Variants in PLEKHO2 observed in about 807,000 individuals in gnomAD.
PLEKHO2 encodes the protein pleckstrin homology domain-containing family O member 2.
Under a neutral mutation model 32.7 loss-of-function variants are expected in PLEKHO2, and 20 were observed. That is an observed-to-expected ratio of 0.61 (90% confidence interval 0.43 to 0.89). PLEKHO2 has a LOEUF of 0.89. Among genes scored for constraint, PLEKHO2 ranks in the 40% least tolerant of loss-of-function variants. PLEKHO2 has a pLI of 0.00. For synonymous variants in PLEKHO2, 247 were observed against 246.3 expected, an observed-to-expected ratio of 1.00 and a Z score of -0.03; for missense variants, 568 against 621.2, an observed-to-expected ratio of 0.91 and a Z score of 0.91.
Position 64,867,072 on chromosome 15 carries a change from A to C in PLEKHO2, c.*1184A>C, listed in dbSNP as rs2084694797. On this transcript the variant is annotated 3_prime_UTR_variant, in exon 6 of 6. Transcript: ENST00000323544. ...GCACATCCAGTCTCCATCGTGCTGCAGCAGCTGGACTGAGGGCAGAGCCTG... is the reference window on the plus strand; with the variant it reads ...GCACATCCAGTCTCCATCGTGCTGCCGCAGCTGGACTGAGGGCAGAGCCTG... 6.5e-6 allele frequency: 1 copy of C among 152,808 alleles called. No homozygotes were observed. The highest frequency in any genetic ancestry group is 6.5e-5 in the Admixed American group (1 of 15,280). The allele number at this position is 152,808 out of a possible 1,614,324, so 9.5% of individuals were successfully genotyped here. A position where few individuals can be genotyped will look rare whatever the true frequency, so the allele number is the denominator to read the frequency against.
In PLEKHO2 at chr15:64,841,945, G is replaced by C. The variant is rs2084486785; in HGVS notation, c.-72G>C. ...GCGGAGAGTCGCCGCCTGGCCGGGC[G>C]TAGACGCGGTGGCAGAGCCCGCGCG... is the stretch of plus-strand genomic sequence containing the variant. On this transcript the variant is annotated 5_prime_UTR_variant, in exon 1 of 6. Transcript: ENST00000323544. 1 of 1,234,222 alleles carries C rather than the reference G, an allele frequency of 8.1e-7. No individual in the cohort carries two copies. The highest frequency in any genetic ancestry group is 3.7e-5 in the South Asian group (1 of 27,114). 76.5% of individuals were successfully genotyped at this position (1,234,222 alleles called of 1,614,324 possible). A position where few individuals can be genotyped will look rare whatever the true frequency, so the allele number is the denominator to read the frequency against.
chr15:64,850,887 A>G (rs1167929638), intron 2 of PLEKHO2, among the ~76,000 whole-genome samples: 1 of 152,232 alleles, frequency 6.6e-6, no homozygotes, highest in Non-Finnish European at 1.5e-5. Context: ...AAAACAGGGT[A>G]GCAATATATG....
In PLEKHO2 at chr15:64,854,870, G is replaced by C. The variant is rs1313827679; in HGVS notation, c.163-51G>C. The C allele has an allele frequency of 2.3e-5, 32 of 1,403,894 alleles. No individual in the cohort carries two copies. The East Asian group carries it at 7.1e-4, about 31-fold the overall frequency. 87.0% of individuals were successfully genotyped at this position (1,403,894 alleles called of 1,614,324 possible). Reference sequence around the variant, plus strand: ...TCTGGGACATGAGTAGTTGAGGGTGGTGGTGGGTCTGACTGTCACCAGCTC... The same window carrying C: ...TCTGGGACATGAGTAGTTGAGGGTGCTGGTGGGTCTGACTGTCACCAGCTC... On this transcript the variant is annotated intron_variant, in intron 2 of 5. Transcript: ENST00000323544.
At chr15:64,851,286 T>A (rs1479874416) in intron 2 of PLEKHO2, among the ~76,000 whole-genome samples, 2 of 152,206 alleles carry the variant, frequency 1.3e-5, no homozygotes, top group Non-Finnish European at 2.9e-5. Context: ...TCACAGCTTC[T>A]TCCAGTGCCA....
At chr15:64,847,396 T>C (rs559483993) in intron 1 of PLEKHO2, among the ~76,000 whole-genome samples, 1 of 152,304 alleles carries the variant, frequency 6.6e-6, no homozygotes, top group African/African-American at 2.4e-5. Flanking sequence ...TCTAGCAGCC[T>C]CTAGATTCTG....
At chr15:64,842,542 G>GTGACT (rs1214083901) in intron 1 of PLEKHO2, among the ~76,000 whole-genome samples, 2 of 151,556 alleles carry the variant, frequency 1.3e-5, no homozygotes, top group Non-Finnish European at 2.9e-5. Flanking sequence ...TCTCAAGGAT[G>GTGACT]TGACCATGCT....
intron 5 of PLEKHO2, among the ~76,000 whole-genome samples, chr15:64,862,781 T>C (rs1489600501): frequency 6.6e-6 from 1 of 152,158 alleles, no homozygotes; most frequent in Non-Finnish European, 1.5e-5. Flanking sequence ...TTCTTTTCTT[T>C]TTTTTATTAT....
At chr15:64,860,063 G>GGGGCAGGGTCCTCTCCT in intron 4 of PLEKHO2, 65 bp downstream of exon 4, 1 of 1,453,066 alleles carries the variant, frequency 6.9e-7, no homozygotes, top group Non-Finnish European at 9.6e-7. Flanking sequence ...TGATCTAGGA[G>GGGGCAGGGTCCTCTCCT]AGGACCCTGC....
intron 3 of PLEKHO2, among the ~76,000 whole-genome samples, chr15:64,859,172 G>A (rs564656878): frequency 1.3e-5 from 2 of 152,348 alleles, no homozygotes; most frequent in African/African-American, 4.8e-5. Context: ...CCATTCATCT[G>A]TCAGTGGACA....
rs2084595845 is a variant in PLEKHO2, at chr15:64,854,935, T to C, written c.177T>C (p.Cys59=). ...TCCCTCCCCAGGATGATCAGAAGTG[T>C]GTGGAGACTGTGGAGCTGGGCAGCT... ...LVYENEDDQK[C]VETVELGSYE... is the part of the protein sequence containing the mutation. The change falls in exon 3 of 6, where the codon TGT becomes TGC. Residue 59 remains cysteine, a synonymous_variant. Transcript: ENST00000323544. 6.2e-7 allele frequency: 1 copy of C among 1,612,828 alleles called. No homozygotes were observed. Among genetic ancestry groups the C allele is most frequent in the African/African-American group, 1.3e-5 (1 of 75,026 alleles).
chr15:64,851,705 C>T (rs2084570766), intron 2 of PLEKHO2, among the ~76,000 whole-genome samples: 1 of 152,098 alleles, frequency 6.6e-6, no homozygotes, highest in Admixed American at 6.6e-5. Flanking sequence ...TGCAGAAGAG[C>T]TGGGATGATT....
chr15:64,845,920 T>G (rs540727279), intron 1 of PLEKHO2, among the ~76,000 whole-genome samples: 1 of 152,308 alleles, frequency 6.6e-6, no homozygotes, highest in Non-Finnish European at 1.5e-5. Flanking sequence ...GGTGGGTGGC[T>G]GGGCAACAGC....
At chr15:64,862,986 C>T (rs2084653844) in intron 5 of PLEKHO2, among the ~76,000 whole-genome samples, 1 of 142,602 alleles carries the variant, frequency 7.0e-6, no homozygotes, top group African/African-American at 2.7e-5. Context: ...GTCGCCCAGG[C>T]TGGAGTGCAG....
chr15:64,863,040 G>C (rs1257846220), intron 5 of PLEKHO2, among the ~76,000 whole-genome samples: 1 of 149,566 alleles, frequency 6.7e-6, no homozygotes, highest in Non-Finnish European at 1.5e-5. Flanking sequence ...CCGGGTTCAA[G>C]AAGTTCTCTG....
intron 3 of PLEKHO2, among the ~76,000 whole-genome samples, chr15:64,858,097 A>G (rs2084617377): frequency 1.3e-5 from 2 of 152,210 alleles, no homozygotes. Context: ...GCGACCCCAG[A>G]TGCAGTGTGG....
intron 2 of PLEKHO2, among the ~76,000 whole-genome samples, chr15:64,853,724 C>T (rs1282600631): frequency 6.6e-6 from 1 of 152,064 alleles, no homozygotes; most frequent in Non-Finnish European, 1.5e-5. Context: ...CTGGAAAGGG[C>T]CCTGGCCTGG....
intron 1 of PLEKHO2, among the ~76,000 whole-genome samples, chr15:64,843,973 C>T (rs1467470772): frequency 6.6e-6 from 1 of 152,156 alleles, no homozygotes; most frequent in African/African-American, 2.4e-5. Context: ...CCCTGCAAGC[C>T]TCACCCCCAC....
In PLEKHO2 at chr15:64,864,892, C is replaced by A. The variant is rs2084669919; in HGVS notation, c.484-7C>A. ...AGATGACACCCATATACCATCCCCC[C>A]CACCAGGTGGCCAGTGCAGCTTCTG... On this transcript the variant is annotated splice_polypyrimidine_tract_variant and splice_region_variant and intron_variant, in intron 5 of 5. Coordinates refer to ENST00000323544, the MANE Select transcript of PLEKHO2 (RefSeq NM_025201.5). 2 of 1,580,878 alleles carry A rather than the reference C, an allele frequency of 1.3e-6. No individual in the cohort carries two copies. The highest frequency in any genetic ancestry group is 1.2e-5 in the South Asian group (1 of 85,380).
At chr15:64,843,396 C>T (rs2084499389) in intron 1 of PLEKHO2, among the ~76,000 whole-genome samples, 1 of 152,144 alleles carries the variant, frequency 6.6e-6, no homozygotes, top group African/African-American at 2.4e-5. Flanking sequence ...GCCCCAGGCC[C>T]CTGCTGCAAG....
Sources: allele counts gnomAD v4.1 joint callset (sites outside exome capture counted in the v4.1 genomes callset), GRCh38; gene constraint gnomAD v4.1.1; transcripts MANE v1.5; gene names NCBI Gene and HGNC (gene_info 2026-07-23, HGNC 2026-07-21).